Variants in EDIL3 observed in about 807,000 individuals in gnomAD.
The protein encoded by EDIL3 is EGF like and discoidin domains 3.
Under a neutral mutation model 67.4 loss-of-function variants are expected in EDIL3, and 37 were observed. The ratio of observed to expected loss-of-function variants is 0.55; its 90% confidence interval spans 0.42 to 0.72. The LOEUF is 0.72. EDIL3 is among the 30% of genes least tolerant of loss of function. EDIL3 has a pLI of 0.00. For missense variants in EDIL3, 527 were observed against 586.3 expected (o/e 0.90, Z 1.04); for synonymous variants, 195 against 196.3 (o/e 0.99, Z 0.05).
At position 84,254,203 on chromosome 5, in the gene EDIL3, C is replaced by T. The variant is rs767632321; in HGVS notation, c.77G>A (p.Cys26Tyr). Reference protein sequence around the residue: ...GVPQFGKGDICDPNPCENGGI... With the variant: ...GVPQFGKGDIYDPNPCENGGI... ...TCCATTTTCACATGGATTGGGATCA[C>T]AAATATCACCTAAGGCATAAAAAAA... The change falls in exon 2 of 11, where the codon TGT becomes TAT. Residue 26 changes from cysteine (C) to tyrosine (Y), a missense_variant. This residue lies in a region of EDIL3 where 494 missense variants were observed against 522.5 expected (regional missense o/e 0.95). Coordinates refer to ENST00000296591, the MANE Select transcript of EDIL3 (RefSeq NM_005711.5). 27 of 1,609,172 alleles carry T rather than the reference C, an allele frequency of 1.7e-5. No homozygotes were observed. The highest frequency in any genetic ancestry group is 2.3e-5 in the Non-Finnish European group (27 of 1,177,806).
At chr5:84,010,374 C>T (rs1745496672) in intron 9 of EDIL3, among the ~76,000 whole-genome samples, 1 of 152,090 alleles carries the variant, frequency 6.6e-6, no homozygotes, top group Non-Finnish European at 1.5e-5. Context: ...TTCTTTATAA[C>T]ATTTTGCTTG....
chr5:84,051,466 T>C (rs1054575893), intron 9 of EDIL3, among the ~76,000 whole-genome samples: 4 of 152,198 alleles, frequency 2.6e-5, no homozygotes, highest in Admixed American at 6.5e-5. Context: ...AGAGAACGAC[T>C]TTGACGAGTT....
chr5:84,202,023 A>C (rs372788140), intron 3 of EDIL3, among the ~76,000 whole-genome samples: 1 of 152,216 alleles, frequency 6.6e-6, no homozygotes, highest in South Asian at 2.1e-4. Flanking sequence ...ACAGTGTGCT[A>C]GTCTAGTCAT....
intron 4 of EDIL3, among the ~76,000 whole-genome samples, chr5:84,141,952 G>GATCGATCT (rs71605902): frequency 0.047 from 5,041 of 108,174 alleles, 132 homozygotes; most frequent in East Asian, 0.1. Context: ...TATATACATA[G>GATCGATCT]ATCTATCTAT....
At chr5:84,059,910 G>C (rs1283224979) in intron 9 of EDIL3, among the ~76,000 whole-genome samples, 1 of 152,136 alleles carries the variant, frequency 6.6e-6, no homozygotes, top group Non-Finnish European at 1.5e-5. Flanking sequence ...ATGATTCTAC[G>C]TGAACAGTTT....
At chr5:84,139,457 ATATT>A (rs1561442982) in intron 4 of EDIL3, among the ~76,000 whole-genome samples, 1 of 152,166 alleles carries the variant, frequency 6.6e-6, no homozygotes, top group African/African-American at 2.4e-5. Context: ...ATATTAAACT[ATATT>A]TATATTGGAC....
intron 1 of EDIL3, among the ~76,000 whole-genome samples, chr5:84,363,074 T>C (rs1747647632): frequency 6.6e-6 from 1 of 151,882 alleles, no homozygotes; most frequent in Non-Finnish European, 1.5e-5. Flanking sequence ...TTTAAGTATA[T>C]ACCTTTATAA....
chr5:83,979,646 T>C (rs2037629280), intron 9 of EDIL3, among the ~76,000 whole-genome samples: 1 of 152,086 alleles, frequency 6.6e-6, no homozygotes, highest in Admixed American at 6.6e-5. Flanking sequence ...ACATTGCAGA[T>C]GAATATGAAC....
chr5:84,102,799 G>A (rs888663136), intron 6 of EDIL3, among the ~76,000 whole-genome samples: 2 of 151,880 alleles, frequency 1.3e-5, no homozygotes, highest in African/African-American at 4.8e-5. Context: ...TGGCCATACT[G>A]CCCAAAGCAA....
chr5:84,164,092 G>A (rs1333259035), intron 4 of EDIL3, among the ~76,000 whole-genome samples: 1 of 151,988 alleles, frequency 6.6e-6, no homozygotes. Context: ...ACAACTGAGA[G>A]GGATCTGAAA....
chr5:84,014,633 G>A (rs141881727), intron 9 of EDIL3, among the ~76,000 whole-genome samples: 1 of 151,958 alleles, frequency 6.6e-6, no homozygotes, highest in Non-Finnish European at 1.5e-5. Flanking sequence ...GACAGAGCGA[G>A]ACTCCGTCTC....
chr5:84,253,541 A>G (rs1274003138), intron 2 of EDIL3, among the ~76,000 whole-genome samples: 1 of 152,188 alleles, frequency 6.6e-6, no homozygotes, highest in Non-Finnish European at 1.5e-5. Flanking sequence ...TTTGAATGTA[A>G]CCAATGACAC....
intron 3 of EDIL3, among the ~76,000 whole-genome samples, chr5:84,205,861 C>T (rs1161549651): frequency 6.7e-6 from 1 of 150,090 alleles, no homozygotes; most frequent in Non-Finnish European, 1.5e-5. Flanking sequence ...TTCAAAAAAC[C>T]AGCTCCTGGA....
At chr5:84,281,929 C>T (rs771905845) in intron 1 of EDIL3, among the ~76,000 whole-genome samples, 41 of 131,954 alleles carry the variant, frequency 3.1e-4, no homozygotes, top group Admixed American at 1.7e-3. Flanking sequence ...TGCAGTGGTG[C>T]GATCTCGGCT....
At chr5:84,055,510 A>G (rs1746426504) in intron 9 of EDIL3, among the ~76,000 whole-genome samples, 1 of 151,116 alleles carries the variant, frequency 6.6e-6, no homozygotes. Context: ...CTACCATCAG[A>G]GTGAACAGGC....
At chr5:84,316,985 C>T (rs1454799304) in intron 1 of EDIL3, among the ~76,000 whole-genome samples, 1 of 152,162 alleles carries the variant, frequency 6.6e-6, no homozygotes, top group African/African-American at 2.4e-5. Flanking sequence ...TACATGGAAA[C>T]TGAACAACCT....
intron 1 of EDIL3, among the ~76,000 whole-genome samples, chr5:84,332,510 T>C (rs1381411198): frequency 6.6e-6 from 1 of 152,214 alleles, no homozygotes; most frequent in African/African-American, 2.4e-5. Flanking sequence ...TTTCATGAAC[T>C]CAAGTAACTG....
At chr5:84,293,845 T>C (rs1010333574) in intron 1 of EDIL3, among the ~76,000 whole-genome samples, 4 of 151,776 alleles carry the variant, frequency 2.6e-5, no homozygotes, top group African/African-American at 9.7e-5. Flanking sequence ...ATACGATGTA[T>C]GTTTGTTTTA....
intron 1 of EDIL3, among the ~76,000 whole-genome samples, chr5:84,366,336 T>C (rs753105392): frequency 2.0e-5 from 3 of 152,124 alleles, no homozygotes; most frequent in African/African-American, 2.4e-5. Flanking sequence ...ACTTAACCTC[T>C]ATTAAACCCT....
Sources: gnomAD v4.1 joint callset for allele counts (sites outside exome capture counted in the v4.1 genomes callset) on GRCh38, gnomAD v4.1.1 for gene constraint, gnomAD v4.1.1 regional missense constraint, MANE v1.5 for transcripts, NCBI Gene and HGNC (gene_info 2026-07-23, HGNC 2026-07-21) for gene names.